Variants in PDE3B observed in about 807,000 individuals in gnomAD.
The protein encoded by PDE3B is cGMP-inhibited 3',5'-cyclic phosphodiesterase 3B.
Under a neutral mutation model 116.8 loss-of-function variants are expected in PDE3B, and 66 were observed. The ratio of observed to expected loss-of-function variants is 0.56; its 90% CI spans 0.46 to 0.69. The LOEUF is 0.69. Among genes scored for constraint, PDE3B ranks in the 30% least tolerant of loss-of-function variants. The probability of loss-of-function intolerance (pLI) is 0.00; values close to 1 mark genes in which losing one functional copy is unlikely to be tolerated. For synonymous variants in PDE3B, 595 were observed against 533.6 expected (o/e 1.12, Z -1.59); for missense variants, 1,384 against 1,368.1 (o/e 1.01, Z -0.18).
chr11:14,807,686 G>C (rs2133938713), intron 5 of PDE3B, among the ~76,000 whole-genome samples: 1 of 152,238 alleles, frequency 6.6e-6, no homozygotes, highest in South Asian at 2.1e-4. Flanking sequence ...GATCTGACTA[G>C]AGTTGTCAGT....
chr11:14,660,448 C>T (rs1853862673), intron 1 of PDE3B, among the ~76,000 whole-genome samples: 2 of 151,628 alleles, frequency 1.3e-5, no homozygotes, highest in East Asian at 1.9e-4. Flanking sequence ...GCTACAGGCA[C>T]GTGCCACCAT....
At chr11:14,752,852 T>C (rs1857089767) in intron 1 of PDE3B, among the ~76,000 whole-genome samples, 1 of 152,122 alleles carries the variant, frequency 6.6e-6, no homozygotes, top group South Asian at 2.1e-4. Context: ...CTTACCCCTC[T>C]TTTCCACTTC....
At chr11:14,792,219 C>G (rs1259464535) in intron 4 of PDE3B, among the ~76,000 whole-genome samples, 1 of 152,028 alleles carries the variant, frequency 6.6e-6, no homozygotes, top group Non-Finnish European at 1.5e-5. Flanking sequence ...AGCAGTCTTT[C>G]AAATAATGAG....
chr11:14,759,179 T>G (rs960316592), intron 1 of PDE3B, among the ~76,000 whole-genome samples: 2 of 152,206 alleles, frequency 1.3e-5, no homozygotes, highest in Non-Finnish European at 2.9e-5. Context: ...TCCAGTATTT[T>G]ATTGAGGATT....
chr11:14,652,767 G>A (rs1853605353), intron 1 of PDE3B, among the ~76,000 whole-genome samples: 1 of 152,108 alleles, frequency 6.6e-6, no homozygotes, highest in Admixed American at 6.6e-5. Flanking sequence ...CCTCATATAA[G>A]TGGAATCATA....
the PDE3B span, chr11:14,878,413 C>G: frequency 1.0e-6 from 1 of 990,570 alleles, no homozygotes. Context: ...AAAGAGGGAA[C>G]TATGTTTATT....
intron 7 of PDE3B, among the ~76,000 whole-genome samples, chr11:14,824,206 GAA>G (rs1859617115): frequency 6.6e-6 from 1 of 152,188 alleles, no homozygotes. Context: ...GCAGAGATAA[GAA>G]AGAACCAATG....
intron 1 of PDE3B, among the ~76,000 whole-genome samples, chr11:14,726,576 C>G (rs1009217728): frequency 6.6e-6 from 1 of 152,220 alleles, no homozygotes; most frequent in Non-Finnish European, 1.5e-5. Context: ...CAGATTCAAG[C>G]CTTTCGCTGA....
intron 14 of PDE3B, among the ~76,000 whole-genome samples, chr11:14,867,079 A>G (rs12792463): frequency 0.01 from 1,556 of 150,200 alleles, 15 homozygotes; most frequent in Middle Eastern, 0.017. Flanking sequence ...AAAAAAAAAA[A>G]GGGGGTGGAG....
At chr11:14,878,917 T>C in the PDE3B span, among the ~76,000 whole-genome samples, 2 of 152,228 alleles carry the variant, frequency 1.3e-5, no homozygotes, top group East Asian at 3.9e-4. Context: ...CTATAGTTAA[T>C]AAATTAAGGC....
At chr11:14,892,034 A>C in the PDE3B span, 9 of 1,613,074 alleles carry the variant, frequency 5.6e-6, no homozygotes, top group Non-Finnish European at 6.8e-6. Flanking sequence ...AGCTCGGATG[A>C]GGCTGCCAGG....
At chr11:14,748,245 C>T (rs934500871) in intron 1 of PDE3B, among the ~76,000 whole-genome samples, 5 of 152,124 alleles carry the variant, frequency 3.3e-5, no homozygotes, top group Non-Finnish European at 5.9e-5. Context: ...GATGGGTAGC[C>T]GTTCTGTGAC....
intron 1 of PDE3B, among the ~76,000 whole-genome samples, chr11:14,659,278 G>A (rs1853814556): frequency 1.3e-5 from 2 of 152,280 alleles, no homozygotes; most frequent in Admixed American, 6.5e-5. Flanking sequence ...AAACAGTTTT[G>A]ACATTACTTT....
chr11:14,861,484 G>A (rs1219059206), intron 14 of PDE3B, 118 bp downstream of exon 14: 27 of 898,978 alleles, frequency 3.0e-5, no homozygotes, highest in Non-Finnish European at 4.5e-5. Flanking sequence ...GACTGGGAAG[G>A]GTTAAAAATT....
At chr11:14,896,108 A>G in the PDE3B span, among the ~76,000 whole-genome samples, 2 of 152,184 alleles carry the variant, frequency 1.3e-5, no homozygotes, top group African/African-American at 2.4e-5. Flanking sequence ...CAGCCAACCA[A>G]TCCTTGCCAC....
At chr11:14,783,623 G>A (rs1318636214) in intron 2 of PDE3B, among the ~76,000 whole-genome samples, 1 of 152,108 alleles carries the variant, frequency 6.6e-6, no homozygotes, top group Admixed American at 6.5e-5. Flanking sequence ...GTGGGGGAGT[G>A]GGGAGGGATA....
chr11:14,702,217 G>T (rs553257697), intron 1 of PDE3B, among the ~76,000 whole-genome samples: 41 of 151,710 alleles, frequency 2.7e-4, no homozygotes, highest in Admixed American at 1.3e-4. Flanking sequence ...TCTTAGAGGG[G>T]TTCCTTATTC....
the PDE3B span, among the ~76,000 whole-genome samples, chr11:14,893,898 C>T: frequency 1.3e-5 from 2 of 152,108 alleles, no homozygotes; most frequent in Non-Finnish European, 2.9e-5. Context: ...ATTCTGCCTA[C>T]TATAGAAGAG....
the PDE3B span, chr11:14,890,853 G>C: frequency 1.0e-6 from 1 of 985,158 alleles, no homozygotes; most frequent in Non-Finnish European, 1.2e-6. Context: ...CGGGCACCTA[G>C]ACCAATCCTT....
Sources: gnomAD v4.1 joint callset for allele counts (sites outside exome capture counted in the v4.1 genomes callset) on GRCh38, gnomAD v4.1.1 for gene constraint, MANE v1.5 for transcripts, NCBI Gene and HGNC (gene_info 2026-07-23, HGNC 2026-07-21) for gene names.